CYSLTR2: variants seen among roughly 807,000 people sequenced by gnomAD.
The protein encoded by CYSLTR2 is G-protein coupled receptor GPCR21.
For synonymous variants in CYSLTR2, 179 were observed against 160.8 expected (o/e 1.11, Z -0.86); for missense variants, 398 against 411.9 (o/e 0.97, Z 0.29).
intron 1 of CYSLTR2, among the ~76,000 whole-genome samples, chr13:48,680,671 C>T (rs979616083): frequency 1.3e-5 from 2 of 152,096 alleles, no homozygotes; most frequent in Non-Finnish European, 2.9e-5. Context: ...AAATAATTTC[C>T]CAGTTTCCCT....
intron 1 of CYSLTR2, among the ~76,000 whole-genome samples, chr13:48,673,433 C>CTTTTTTTTTTTTTT (rs61699943): frequency 1.7e-3 from 84 of 48,332 alleles, no homozygotes; most frequent in Admixed American, 2.8e-3. Context: ...GTAACCCCGG[C>CTTTTTTTTTTTTTT]TTTTTTTTTT....
chr13:48,680,921 C>G (rs565857293), intron 1 of CYSLTR2, among the ~76,000 whole-genome samples: 1 of 150,178 alleles, frequency 6.7e-6, no homozygotes, highest in Non-Finnish European at 1.5e-5. Flanking sequence ...GAGAAAGTGT[C>G]GAACTAAATG....
intron 4 of CYSLTR2, among the ~76,000 whole-genome samples, chr13:48,698,086 G>A (rs1954242039): frequency 1.3e-5 from 2 of 152,292 alleles, no homozygotes; most frequent in Middle Eastern, 3.4e-3. Context: ...AACCAAGTTG[G>A]AAAACACTCT....
Position 48,708,938 on chromosome 13 carries a change from C to G in CYSLTR2, c.*1080C>G, listed in dbSNP as rs577591189. ...TACTACCAACTACTATCACCATGAC[C>G]ATTGTACTGACAACAATTGAATGCA... is the stretch of plus-strand genomic sequence containing the variant. On this transcript the variant is annotated 3_prime_UTR_variant, in exon 5 of 5. Coordinates refer to ENST00000682523, the MANE Select transcript of CYSLTR2 (RefSeq NM_001308476.3). The G allele has an allele frequency of 6.0e-6, 1 of 167,072 alleles. No homozygotes were observed. The highest frequency in any genetic ancestry group is 1.5e-5 in the Non-Finnish European group (1 of 68,116). 10.3% of individuals were successfully genotyped at this position (167,072 alleles called of 1,614,324 possible). A position where few individuals can be genotyped will look rare whatever the true frequency, so the allele number is the denominator to read the frequency against.
intron 3 of CYSLTR2, among the ~76,000 whole-genome samples, chr13:48,694,429 C>T (rs780418300): frequency 1.2e-4 from 19 of 152,126 alleles, no homozygotes; most frequent in Non-Finnish European, 2.4e-4. Context: ...ATGTTAGAGG[C>T]TAGAAAACAA....
chr13:48,697,866 C>T (rs562672551), intron 4 of CYSLTR2, among the ~76,000 whole-genome samples: 25 of 152,206 alleles, frequency 1.6e-4, no homozygotes, highest in Admixed American at 5.2e-4. Flanking sequence ...AACTATGTGA[C>T]GCATGCACAA....
At chr13:48,657,688 T>C (rs1953031980) in intron 1 of CYSLTR2, among the ~76,000 whole-genome samples, 2 of 151,842 alleles carry the variant, frequency 1.3e-5, no homozygotes, top group African/African-American at 4.8e-5. Context: ...ATTTCCCACG[T>C]AAGTCTCCTG....
intron 1 of CYSLTR2, among the ~76,000 whole-genome samples, chr13:48,684,099 C>A (rs1038175704): frequency 2.0e-5 from 3 of 151,604 alleles, no homozygotes; most frequent in African/African-American, 7.3e-5. Flanking sequence ...TTTTAAATTA[C>A]TTTTTGTAGA....
intron 1 of CYSLTR2, among the ~76,000 whole-genome samples, chr13:48,666,756 G>A (rs1953272930): frequency 6.6e-6 from 1 of 151,750 alleles, no homozygotes; most frequent in African/African-American, 2.4e-5. Context: ...TCTTTTTTAT[G>A]ATAACTATCT....
intron 4 of CYSLTR2, among the ~76,000 whole-genome samples, chr13:48,702,752 T>C (rs1331569143): frequency 1.3e-5 from 2 of 152,232 alleles, no homozygotes; most frequent in Non-Finnish European, 2.9e-5. Context: ...AATCTTCTTT[T>C]TCAAAGTGTT....
At chr13:48,667,727 A>G (rs2138837193) in intron 1 of CYSLTR2, among the ~76,000 whole-genome samples, 1 of 152,336 alleles carries the variant, frequency 6.6e-6, no homozygotes, top group Middle Eastern at 3.4e-3. Context: ...TCTATGATTT[A>G]TAAAAAGCAT....
At chr13:48,670,040 T>C (rs1447787182) in intron 1 of CYSLTR2, among the ~76,000 whole-genome samples, 1 of 152,230 alleles carries the variant, frequency 6.6e-6, no homozygotes, top group Non-Finnish European at 1.5e-5. Flanking sequence ...GATGATGAGC[T>C]TTTCTTCATA....
At chr13:48,670,603 T>C (rs754829242) in intron 1 of CYSLTR2, among the ~76,000 whole-genome samples, 2 of 152,230 alleles carry the variant, frequency 1.3e-5, no homozygotes, top group Non-Finnish European at 1.5e-5. Flanking sequence ...TGTGGTGTTA[T>C]TTCTGAGGCC....
Position 48,654,358 on chromosome 13 carries a change from G to A in CYSLTR2, c.-266+341G>A, listed in dbSNP as rs986214735. Reference sequence around the variant, plus strand: ...ATATAACTTTAGTTTTCATAGTTGCGTCCCTACACTATGGACAAGTTTGTA... The same window carrying A: ...ATATAACTTTAGTTTTCATAGTTGCATCCCTACACTATGGACAAGTTTGTA... On this transcript the variant is annotated intron_variant, in intron 1 of 4. Coordinates refer to ENST00000682523, the MANE Select transcript of CYSLTR2 (RefSeq NM_001308476.3). Among the ~76,000 whole-genome samples, 14 of 147,588 alleles carry A rather than the reference G, an allele frequency of 9.5e-5. No homozygotes were observed. In the Middle Eastern group the frequency reaches 0.015, roughly 156 times the overall value.
intron 1 of CYSLTR2, among the ~76,000 whole-genome samples, chr13:48,683,726 T>G (rs938731766): frequency 6.6e-6 from 1 of 152,158 alleles, no homozygotes; most frequent in African/African-American, 2.4e-5. Context: ...TGCAGAAGCT[T>G]TTAAGTTTAA....
chr13:48,704,263 G>A (rs908580819), intron 4 of CYSLTR2, among the ~76,000 whole-genome samples: 2 of 151,990 alleles, frequency 1.3e-5, no homozygotes, highest in South Asian at 2.1e-4. Context: ...GGTGGCCCAC[G>A]CCTATAATCT....
chr13:48,676,788 C>T (rs933736933), intron 1 of CYSLTR2, among the ~76,000 whole-genome samples: 4 of 152,124 alleles, frequency 2.6e-5, no homozygotes, highest in Middle Eastern at 3.2e-3. Context: ...TCTCCTAGTC[C>T]CAGATTTGTT....
chr13:48,698,966 A>C (rs895375207), intron 4 of CYSLTR2, among the ~76,000 whole-genome samples: 27 of 152,354 alleles, frequency 1.8e-4, no homozygotes, highest in East Asian at 9.6e-4. Context: ...CAACAAGAAG[A>C]GCTAACTATC....
In CYSLTR2 at chr13:48,673,280, C is replaced by T. The variant is rs193046321; in HGVS notation, c.-265-17932C>T. On this transcript the variant is annotated intron_variant, in intron 1 of 4. Transcript: ENST00000682523. ...CCTCTAAGAACTTGCTTTATGAATCCGGGTGCTCCTGTATTGGGTGCATAT... is the reference window on the plus strand; with the variant it reads ...CCTCTAAGAACTTGCTTTATGAATCTGGGTGCTCCTGTATTGGGTGCATAT... Among the ~76,000 whole-genome samples, 28 of 152,054 alleles carry T rather than the reference C, an allele frequency of 1.8e-4. No homozygotes were observed. The East Asian group carries it at 1.9e-3, about 11-fold the overall frequency.
Sources: allele counts gnomAD v4.1 joint callset (sites outside exome capture counted in the v4.1 genomes callset), GRCh38; gene constraint gnomAD v4.1.1; transcripts MANE v1.5; gene names NCBI Gene and HGNC (gene_info 2026-07-23, HGNC 2026-07-21).